The following CAND2 variants were observed in gnomAD, a reference collection of about 807,000 sequenced individuals.
CAND2 encodes the protein cullin associated and neddylation dissociated 2 (putative).
In CAND2, 62 loss-of-function variants were observed where a neutral mutation model predicts 98.9. The ratio of observed to expected loss-of-function variants is 0.63; its 90% CI spans 0.51 to 0.77. CAND2 has a LOEUF of 0.77. Among genes scored for constraint, CAND2 ranks in the 30% least tolerant of loss-of-function variants. CAND2 has a pLI of 0.00. For synonymous variants in CAND2, 770 were observed against 731.9 expected (o/e 1.05, Z -0.84); for missense variants, 1,501 against 1,655.2 (o/e 0.91, Z 1.62).
rs749000381 is a variant in CAND2 at position 12,815,191 on chromosome 3, C to T, written c.1057C>T (p.Arg353Trp). 10 of 1,613,510 alleles carry T rather than the reference C, an allele frequency of 6.2e-6. No homozygotes were observed. Among genetic ancestry groups the T allele is most frequent in the African/African-American group, 4.0e-5 (3 of 74,924 alleles). ...CGATGACATGAGCTGGAAGGTGCGC[C>T]GGGCAGCTGCCAAGTGCATCGCAGC... ...DDDDMSWKVR[R>W]AAAKCIAALI... Residue 353 changes from arginine to tryptophan, a missense_variant, in exon 8 of 15, where the codon CGG (arginine) becomes TGG (tryptophan). Around this residue, in one of 3 missense-constraint regions of CAND2, gnomAD observed 1,427 missense variants for 1,545.3 expected, o/e 0.92. Transcript: ENST00000456430. The surrounding 1 kb of genome is among the most constrained non-coding windows in gnomAD (Gnocchi z 5.7).
intron 13 of CAND2, among the ~76,000 whole-genome samples, chr3:12,829,473 A>T (rs2062033631): frequency 6.6e-6 from 1 of 152,248 alleles, no homozygotes; most frequent in African/African-American, 2.4e-5. Context: ...AAAAATATGT[A>T]CTGTAAGCGT....
intron 10 of CAND2, among the ~76,000 whole-genome samples, chr3:12,819,289 T>A (rs17037290): frequency 6.6e-6 from 1 of 152,192 alleles, no homozygotes; most frequent in Non-Finnish European, 1.5e-5. Context: ...TAGCACCAAA[T>A]GGTAAACTTT....
chr3:12,807,990 G>A (rs183131143), intron 3 of CAND2, among the ~76,000 whole-genome samples: 1 of 152,344 alleles, frequency 6.6e-6, no homozygotes, highest in African/African-American at 2.4e-5. Context: ...GCTTGGGTGT[G>A]TGTAAGTCAC....
intron 2 of CAND2, among the ~76,000 whole-genome samples, chr3:12,805,887 G>C (rs2061802726): frequency 6.6e-6 from 1 of 152,064 alleles, no homozygotes; most frequent in South Asian, 2.1e-4. Context: ...ACCCCTTAAA[G>C]GCCAGAAGTA....
At chr3:12,802,440 C>A (rs1236898574) in intron 1 of CAND2, among the ~76,000 whole-genome samples, 1 of 152,236 alleles carries the variant, frequency 6.6e-6, no homozygotes. Flanking sequence ...TGAGCACACA[C>A]CATGTGCACT....
At chr3:12,831,349 G>A in intron 13 of CAND2, 116 bp from the exon 14 acceptor site, 1 of 768,358 alleles carries the variant, frequency 1.3e-6, no homozygotes. Flanking sequence ...GGACTTCACG[G>A]TGGTCTGAAC....
Position 12,796,717 on chromosome 3 carries a change from C to T in CAND2, c.-4C>T, listed in dbSNP as rs1453177499. On this transcript the variant is annotated 5_prime_UTR_variant, in exon 1 of 15. Transcript: ENST00000456430. ...GCCGGCCGGCTCCGCGGCGCGCAGC[C>T]ACCATGAGCACCGCCGCCTTCCACA... 2 of 1,577,832 alleles carry T rather than the reference C, an allele frequency of 1.3e-6. No individual in the cohort carries two copies. Among genetic ancestry groups the T allele is most frequent in the South Asian group, 2.3e-5 (2 of 86,302 alleles).
chr3:12,803,721 G>GC, intron 2 of CAND2, 90 bp downstream of exon 2: 1 of 1,229,008 alleles, frequency 8.1e-7, no homozygotes, highest in Non-Finnish European at 1.1e-6. Flanking sequence ...GTACAGCCTC[G>GC]CAGAGGAGAC....
At chr3:12,801,044 T>A (rs1201899617) in intron 1 of CAND2, among the ~76,000 whole-genome samples, 21 of 144,010 alleles carry the variant, frequency 1.5e-4, no homozygotes, top group African/African-American at 4.8e-4. Context: ...ATTTTTTTTT[T>A]TTTTTTTTTT....
At chr3:12,798,658 T>G (rs989714198) in intron 1 of CAND2, among the ~76,000 whole-genome samples, 1 of 152,240 alleles carries the variant, frequency 6.6e-6, no homozygotes, top group African/African-American at 2.4e-5. Flanking sequence ...CTCAGGCCTC[T>G]GGTCCAGTCT....
At chr3:12,830,229 C>A (rs1370501215) in intron 13 of CAND2, among the ~76,000 whole-genome samples, 2 of 152,216 alleles carry the variant, frequency 1.3e-5, no homozygotes, top group Non-Finnish European at 1.5e-5. Context: ...AACATAAGTT[C>A]TCTGGGATTC....
chr3:12,832,992 G>A lies in CAND2; in HGVS notation c.3484-763G>A, dbSNP rs75734784. On this transcript the variant is annotated intron_variant, in intron 14 of 14. Coordinates refer to ENST00000456430, the MANE Select transcript of CAND2 (RefSeq NM_001162499.2). Reference sequence around the variant, plus strand: ...GTTTAATCCTCTTGGCAACTCTTACGACGAGGCAGCTCTTACTTATAGATG... The same window carrying A: ...GTTTAATCCTCTTGGCAACTCTTACAACGAGGCAGCTCTTACTTATAGATG... Among the ~76,000 whole-genome samples the A allele has an allele frequency of 5.3e-3, 812 of 152,252 alleles. 9 individuals carry two copies. The highest frequency in any genetic ancestry group is 0.019 in the African/African-American group (771 of 41,538).
At chr3:12,799,028 G>T (rs1043887791) in intron 1 of CAND2, among the ~76,000 whole-genome samples, 1 of 152,242 alleles carries the variant, frequency 6.6e-6, no homozygotes, top group African/African-American at 2.4e-5. Context: ...TACCACGGAG[G>T]CTCCAGCAGT....
intron 2 of CAND2, among the ~76,000 whole-genome samples, chr3:12,805,677 C>A (rs1014661401): frequency 1.3e-5 from 2 of 152,112 alleles, no homozygotes; most frequent in Admixed American, 6.6e-5. Flanking sequence ...AAATTGCATT[C>A]TTAGAAAATC....
intron 2 of CAND2, among the ~76,000 whole-genome samples, chr3:12,806,562 C>G (rs11923034): frequency 0.023 from 3,562 of 152,282 alleles, 112 homozygotes; most frequent in African/African-American, 0.078. Flanking sequence ...AAAGCCCTCC[C>G]CCAACCCCCT....
intron 10 of CAND2, among the ~76,000 whole-genome samples, chr3:12,818,244 G>T (rs1233948387): frequency 6.8e-6 from 1 of 146,220 alleles, no homozygotes; most frequent in Non-Finnish European, 1.5e-5. Flanking sequence ...GGGCAACATG[G>T]TGAGACCCTG....
Position 12,817,497 on chromosome 3 carries a change from G to A in CAND2, c.2565G>A (p.Gly855=), listed in dbSNP as rs568181571. The A allele has an allele frequency of 1.2e-6, 2 of 1,613,590 alleles. No homozygotes were observed. Among genetic ancestry groups the A allele is most frequent in the Non-Finnish European group, 1.7e-6 (2 of 1,179,940 alleles). ...LSLAEVGQVA[G]PGHQRELKAV... The stretch of plus-strand genomic sequence containing the variant: ...TGGCTGAGGTGGGTCAGGTGGCTGG[G>A]CCAGGCCACCAGCGGGAGCTGAAGG... The change falls in exon 10 of 15, where the codon GGG becomes GGA. Residue 855 remains glycine (G), a synonymous_variant. Transcript: ENST00000456430.
At position 12,817,319 on chromosome 3, in the gene CAND2, T is replaced by A. The variant is rs773257642; in HGVS notation, c.2387T>A (p.Leu796Gln). The change falls in exon 10 of 15, where the codon CTG (leucine) becomes CAG (glutamine). Residue 796 changes from leucine to glutamine, a missense_variant. Physicochemically the swap from Leu to Gln is moderately radical, Grantham distance 113. Around this residue, in one of 3 missense-constraint regions of CAND2, gnomAD observed 1,427 missense variants for 1,545.3 expected, o/e 0.92. Transcript: ENST00000456430. The stretch of plus-strand genomic sequence containing the variant: ...CAGGCTGTGGATGGTGGGCCTGGCC[T>A]GCACAAGCAGGTGTTCCACTCATTG... ...YEQAVDGGPG[L>Q]HKQVFHSLAR... The A allele has an allele frequency of 1.9e-6, 3 of 1,613,808 alleles. No individual in the cohort carries two copies. The African/African-American group carries it at 4.0e-5, about 22-fold the overall frequency.
chr3:12,832,015 G>C (rs1382517828), intron 14 of CAND2, among the ~76,000 whole-genome samples: 1 of 152,242 alleles, frequency 6.6e-6, no homozygotes, highest in Non-Finnish European at 1.5e-5. Flanking sequence ...CTGGAGGAGG[G>C]ATGTGGGGTG....
Sources: allele counts gnomAD v4.1 joint callset (sites outside exome capture counted in the v4.1 genomes callset), GRCh38; gene constraint gnomAD v4.1.1; regional missense constraint gnomAD v4.1.1; non-coding constraint Gnocchi (gnomAD v3.1); transcripts MANE v1.5; gene names NCBI Gene and HGNC (gene_info 2026-07-23, HGNC 2026-07-21).